Variants in ALS2 observed in about 807,000 individuals in gnomAD.
The protein encoded by ALS2 is alsin.
Under a neutral mutation model 203.4 loss-of-function variants are expected in ALS2, and 117 were observed. That is an observed-to-expected ratio of 0.58 (90% CI 0.50 to 0.67). ALS2 has a LOEUF of 0.67. ALS2 is among the 30% of genes least tolerant of loss of function. The pLI is 0.00. For synonymous variants in ALS2, 718 were observed against 725.9 expected (o/e 0.99, Z 0.17); for missense variants, 1,715 against 1,989.4 (o/e 0.86, Z 2.62).
At chr2:201,707,796 C>T (rs1337213370) in intron 28 of ALS2, 73 bp downstream of exon 28, 44 of 1,570,772 alleles carry the variant, frequency 2.8e-5, no homozygotes, top group East Asian at 4.6e-5. Context: ...CACACTTTCT[C>T]GCTGGGACTC....
intron 12 of ALS2, 155 bp from the exon 13 acceptor site, chr2:201,733,593 A>T: frequency 1.4e-6 from 1 of 696,396 alleles, no homozygotes. Flanking sequence ...AGATATAATT[A>T]AAAGAATTTC....
In ALS2 at chr2:201,700,884, G is replaced by C. The variant is rs1188280686; in HGVS notation, c.*967C>G. 1 of 152,270 alleles carries C rather than the reference G, an allele frequency of 6.6e-6. No individual in the cohort carries two copies. Among genetic ancestry groups the C allele is most frequent in the Non-Finnish European group, 1.5e-5 (1 of 68,018 alleles). 9.4% of individuals were successfully genotyped at this position (152,270 alleles called of 1,614,324 possible). On this transcript the variant is annotated 3_prime_UTR_variant, in exon 34 of 34. Transcript: ENST00000264276. ...GAGGTGCCACAATACTTTTGAGATG[G>C]AAAAAGCCAAAGCTTGTTTCCTTTT...
intron 26 of ALS2, 107 bp downstream of exon 26, chr2:201,710,884 C>G: frequency 1.3e-6 from 1 of 763,588 alleles, no homozygotes; most frequent in Non-Finnish European, 2.3e-6. Flanking sequence ...GCACAGGATG[C>G]AAAAACAGGA....
chr2:201,719,922 T>C lies in ALS2; in HGVS notation c.3703-1712A>G, dbSNP rs551145689. 10 of 220,466 alleles carry C rather than the reference T, an allele frequency of 4.5e-5. No homozygotes were observed. The Middle Eastern group carries it at 2.5e-3, about 56-fold the overall frequency. The allele number at this position is 220,466 out of a possible 1,614,324, so 13.7% of individuals were successfully genotyped here. A position where few individuals can be genotyped will look rare whatever the true frequency, so the allele number is the denominator to read the frequency against. On this transcript the variant is annotated intron_variant, in intron 23 of 33. Coordinates refer to ENST00000264276, the MANE Select transcript of ALS2 (RefSeq NM_020919.4). The stretch of plus-strand genomic sequence containing the variant: ...GTACCAAAACTGACTCAATAAGAAA[T>C]AGAAAATCTAAATAGACCTAAGGCA...
At chr2:201,706,773 G>A (rs1464013217) in intron 29 of ALS2, 73 bp downstream of exon 29, 2 of 1,539,172 alleles carry the variant, frequency 1.3e-6, no homozygotes, top group African/African-American at 1.4e-5. Flanking sequence ...ATATCAAAGT[G>A]CCAAATTTCC....
chr2:201,763,874 C>T (rs1668481389), intron 3 of ALS2, among the ~76,000 whole-genome samples: 1 of 152,166 alleles, frequency 6.6e-6, no homozygotes, highest in African/African-American at 2.4e-5. Context: ...TTAAAAAATA[C>T]TGAGCCAAGC....
At chr2:201,720,717 A>C (rs1457417069) in intron 23 of ALS2, among the ~76,000 whole-genome samples, 2 of 95,580 alleles carry the variant, frequency 2.1e-5, no homozygotes, top group African/African-American at 9.6e-5. Flanking sequence ...CTATCTCAAC[A>C]CACACACACA....
chr2:201,722,992 A>T, intron 23 of ALS2, 51 bp downstream of exon 23: 1 of 1,406,246 alleles, frequency 7.1e-7, no homozygotes, highest in Middle Eastern at 2.5e-4. Flanking sequence ...GTAAAAAAAA[A>T]TTAGTAAAAG....
At chr2:201,734,998 G>C (rs1387022738) in intron 12 of ALS2, among the ~76,000 whole-genome samples, 1 of 152,140 alleles carries the variant, frequency 6.6e-6, no homozygotes, top group Non-Finnish European at 1.5e-5. Flanking sequence ...GTGGTAATGT[G>C]TACATACAAG....
chr2:201,779,204 T>C (rs1006562350), intron 1 of ALS2, among the ~76,000 whole-genome samples: 1 of 152,208 alleles, frequency 6.6e-6, no homozygotes, highest in African/African-American at 2.4e-5. Context: ...GATTCCTGTT[T>C]ATATTGAGTA....
At chr2:201,748,945 G>C (rs1323091335) in intron 8 of ALS2, among the ~76,000 whole-genome samples, 1 of 152,250 alleles carries the variant, frequency 6.6e-6, no homozygotes, top group South Asian at 2.1e-4. Flanking sequence ...CATTACTCCA[G>C]AGGGAGCATG....
At chr2:201,746,295 T>C (rs1234183863) in intron 9 of ALS2, among the ~76,000 whole-genome samples, 3 of 152,192 alleles carry the variant, frequency 2.0e-5, no homozygotes, top group Admixed American at 1.3e-4. Flanking sequence ...GTGAATGAGA[T>C]AGCCTAAAAT....
chr2:201,718,311 G>A (rs766001555), intron 23 of ALS2, 101 bp from the exon 24 acceptor site: 98 of 1,316,098 alleles, frequency 7.4e-5, no homozygotes, highest in Non-Finnish European at 9.1e-5. Context: ...CCAGGCTGGA[G>A]TGCAGTGATG....
intron 3 of ALS2, among the ~76,000 whole-genome samples, chr2:201,766,115 CA>C (rs1329668324): frequency 3.3e-5 from 5 of 152,160 alleles, no homozygotes; most frequent in Admixed American, 1.3e-4. Flanking sequence ...AACTGCTTAA[CA>C]AACATTAGCT....
intron 1 of ALS2, among the ~76,000 whole-genome samples, chr2:201,772,081 A>G (rs2106110955): frequency 6.6e-6 from 1 of 152,316 alleles, no homozygotes; most frequent in South Asian, 2.1e-4. Context: ...TCAAATTATT[A>G]TCTCCTTCAC....
intron 13 of ALS2, among the ~76,000 whole-genome samples, chr2:201,732,304 A>G (rs1691606698): frequency 1.3e-5 from 2 of 151,784 alleles, no homozygotes; most frequent in South Asian, 4.2e-4. Context: ...CTGTAATCCT[A>G]GCACTTTCGG....
intron 12 of ALS2, among the ~76,000 whole-genome samples, chr2:201,736,966 A>G (rs933608558): frequency 2.6e-5 from 4 of 152,210 alleles, no homozygotes; most frequent in African/African-American, 9.6e-5. Context: ...TTATTTTTAC[A>G]GATGAATTCT....
chr2:201,701,931 G>C, intron 33 of ALS2, 42 bp from the exon 34 acceptor site: 1 of 1,595,614 alleles, frequency 6.3e-7, no homozygotes, highest in African/African-American at 1.3e-5. Flanking sequence ...CACTTTTAAA[G>C]AAATTACATA....
At chr2:201,770,329 T>A (rs1034273019) in intron 1 of ALS2, among the ~76,000 whole-genome samples, 5 of 152,220 alleles carry the variant, frequency 3.3e-5, no homozygotes, top group Admixed American at 6.5e-5. Flanking sequence ...ATCAAAAATG[T>A]TGAGAATCTT....
Sources: gnomAD v4.1 joint callset for allele counts (sites outside exome capture counted in the v4.1 genomes callset) on GRCh38, gnomAD v4.1.1 for gene constraint, MANE v1.5 for transcripts, NCBI Gene and HGNC (gene_info 2026-07-23, HGNC 2026-07-21) for gene names.